Variants in FBXL14 observed in about 807,000 individuals in gnomAD.
The protein encoded by FBXL14 is F-box and leucine rich repeat protein 14.
In FBXL14, 11 loss-of-function variants were observed where a neutral mutation model predicts 24.5. That is an observed-to-expected ratio of 0.45 (90% CI 0.28 to 0.74). The LOEUF is 0.74. Ranked by LOEUF, FBXL14 falls within the 30% of genes least tolerant of loss-of-function variation. The pLI is 0.12. For synonymous variants in FBXL14, 294 were observed against 240.4 expected (o/e 1.22, Z -2.06); for missense variants, 384 against 545.6 (o/e 0.70, Z 2.95).
At chr12:1,572,724 G>A (rs1453889483) in intron 1 of FBXL14, among the ~76,000 whole-genome samples, 1 of 152,176 alleles carries the variant, frequency 6.6e-6, no homozygotes, top group East Asian at 1.9e-4. Context: ...GCAAGAAGGA[G>A]CCCACTGGAG....
intron 1 of FBXL14, among the ~76,000 whole-genome samples, chr12:1,584,420 C>A (rs1014099867): frequency 6.6e-6 from 1 of 152,204 alleles, no homozygotes; most frequent in African/African-American, 2.4e-5. Flanking sequence ...TGAGTTTCTG[C>A]AGTTCCCCTT....
rs557166107 is a variant in FBXL14, at chr12:1,574,664, C to G, written c.1195-7854G>C. ...TCTGAAGTTCAAGTTCTCAAATGCT[C>G]CAGATCCTCAGTGTTCAAGAACCTC... On this transcript the variant is annotated intron_variant, in intron 1 of 1. Coordinates refer to ENST00000339235, the MANE Select transcript of FBXL14 (RefSeq NM_152441.3). The G allele has an allele frequency of 1.6e-5, 3 of 184,930 alleles. No homozygotes were observed. The Admixed American group carries it at 1.7e-4, about 10-fold the overall frequency. The allele number at this position is 184,930 out of a possible 1,614,324, so 11.5% of individuals were successfully genotyped here.
chr12:1,575,936 C>T (rs564695551), intron 1 of FBXL14, among the ~76,000 whole-genome samples: 2 of 152,324 alleles, frequency 1.3e-5, no homozygotes, highest in Admixed American at 1.3e-4. Context: ...CTCAGAGGCA[C>T]TTCTCTTGCT....
At position 1,570,097 on chromosome 12, in the gene FBXL14, C is replaced by T. The variant is rs137991097; in HGVS notation, c.1195-3287G>A. 2.7e-4 allele frequency among the ~76,000 whole-genome samples: 41 copies of T among 152,316 alleles called. 1 individual carries two copies. The East Asian group carries it at 6.7e-3, about 25-fold the overall frequency. On this transcript the variant is annotated intron_variant, in intron 1 of 1. Transcript: ENST00000339235. Reference sequence around the variant, plus strand: ...AAACTCCGCCCAGCTTTGTCTAGTGCGGTGTCCTGTCCACACTAGACCTGT... The same window carrying T: ...AAACTCCGCCCAGCTTTGTCTAGTGTGGTGTCCTGTCCACACTAGACCTGT...
intron 1 of FBXL14, among the ~76,000 whole-genome samples, chr12:1,590,251 C>T (rs2094486509): frequency 6.6e-6 from 1 of 152,052 alleles, no homozygotes; most frequent in African/African-American, 2.4e-5. Context: ...CAATTAGACC[C>T]AATTGTGATG....
rs561252085 is a variant in FBXL14 at position 1,592,782 on chromosome 12, G to C, written c.1194+91C>G. The C allele has an allele frequency of 3.0e-4, 334 of 1,111,486 alleles. 4 individuals are homozygous for C. The South Asian group carries it at 3.9e-3, about 13-fold the overall frequency. The allele number at this position is 1,111,486 out of a possible 1,614,324, so 68.9% of individuals were successfully genotyped here. ...TCTCATCCGCTGCAATGATCTGTGC[G>C]TAAGTGTGCGTGTGAGTGTGTGGGG... On this transcript the variant is annotated intron_variant, in intron 1 of 1. Coordinates refer to ENST00000339235, the MANE Select transcript of FBXL14 (RefSeq NM_152441.3).
In FBXL14 at chr12:1,566,873, C is replaced by G; in HGVS notation, c.1195-63G>C. On this transcript the variant is annotated intron_variant, in intron 1 of 1. Transcript: ENST00000339235. ...GACTGCCGCACTCTGCTCTTCCTAACGAGGTCGCCTCCCCTAACCCCACCG... is the reference window on the plus strand; with the variant it reads ...GACTGCCGCACTCTGCTCTTCCTAAGGAGGTCGCCTCCCCTAACCCCACCG... 10 of 772,028 alleles carry G rather than the reference C, an allele frequency of 1.3e-5. No homozygotes were observed. The South Asian group carries it at 1.4e-4, about 11-fold the overall frequency. 47.8% of individuals were successfully genotyped at this position (772,028 alleles called of 1,614,324 possible). A position where few individuals can be genotyped will look rare whatever the true frequency, so the allele number is the denominator to read the frequency against.
intron 1 of FBXL14, among the ~76,000 whole-genome samples, chr12:1,583,350 A>C (rs2094470403): frequency 1.3e-5 from 2 of 151,982 alleles, no homozygotes; most frequent in African/African-American, 2.4e-5. Context: ...ATTTGTATGA[A>C]GTGCCCTTTA....
chr12:1,592,969 G>A lies in FBXL14; in HGVS notation c.1098C>T (p.Cys366=). Residue 366 remains cysteine, a synonymous_variant, in exon 1 of 2, where the codon TGC becomes TGT. Transcript: ENST00000339235. ...CCAGGCCGCGCTTGGTGATTCGGGT[G>A]CAGCCGTACAGGTCTATGCCGGTGA... The part of the protein sequence containing the change: ...SQLTGIDLYG[C]TRITKRGLER... The A allele has an allele frequency of 1.2e-6, 2 of 1,613,232 alleles. No individual in the cohort carries two copies. The highest frequency in any genetic ancestry group is 1.7e-6 in the Non-Finnish European group (2 of 1,179,826).
intron 1 of FBXL14, among the ~76,000 whole-genome samples, chr12:1,578,200 T>A (rs2094459562): frequency 6.6e-6 from 1 of 152,230 alleles, no homozygotes; most frequent in Non-Finnish European, 1.5e-5. Flanking sequence ...CTACCTCTAA[T>A]AGAGAGTCTG....
chr12:1,590,696 A>C (rs780771760), intron 1 of FBXL14, among the ~76,000 whole-genome samples: 1 of 152,224 alleles, frequency 6.6e-6, no homozygotes, highest in Non-Finnish European at 1.5e-5. Flanking sequence ...GCAAATGTGC[A>C]AAATCCTGGC....
chr12:1,581,184 C>G (rs1366670769), intron 1 of FBXL14, among the ~76,000 whole-genome samples: 2 of 151,308 alleles, frequency 1.3e-5, no homozygotes, highest in Non-Finnish European at 2.9e-5. Flanking sequence ...TGCTGGAGTC[C>G]TTTAATGGGC....
chr12:1,586,182 G>GTTTTTTTT (rs79133793), intron 1 of FBXL14, among the ~76,000 whole-genome samples: 57 of 137,788 alleles, frequency 4.1e-4, no homozygotes, highest in African/African-American at 1.5e-3. Flanking sequence ...AGCATTTGGG[G>GTTTTTTTT]TTTTTTTTTT....
At chr12:1,585,423 C>T (rs1410494901) in intron 1 of FBXL14, among the ~76,000 whole-genome samples, 2 of 151,436 alleles carry the variant, frequency 1.3e-5, no homozygotes, top group Non-Finnish European at 2.9e-5. Flanking sequence ...ATGTAGCAGA[C>T]GTGTATGTAA....
At chr12:1,577,061 G>A (rs183848030) in intron 1 of FBXL14, among the ~76,000 whole-genome samples, 4 of 152,308 alleles carry the variant, frequency 2.6e-5, no homozygotes, top group East Asian at 3.9e-4. Context: ...CAGTCCTGCC[G>A]TTGGCTGTCA....
At chr12:1,590,862 C>T (rs1466719176) in intron 1 of FBXL14, among the ~76,000 whole-genome samples, 1 of 152,150 alleles carries the variant, frequency 6.6e-6, no homozygotes, top group Non-Finnish European at 1.5e-5. Context: ...CACGCAAGGA[C>T]AGCGCTCTTT....
At chr12:1,575,126 AT>A (rs2094453369) in intron 1 of FBXL14, among the ~76,000 whole-genome samples, 1 of 152,086 alleles carries the variant, frequency 6.6e-6, no homozygotes, top group South Asian at 2.1e-4. Context: ...TAAGAATAAT[AT>A]TTTTCTATGG....
intron 1 of FBXL14, among the ~76,000 whole-genome samples, chr12:1,575,200 A>G (rs1486866414): frequency 1.3e-5 from 2 of 152,356 alleles, no homozygotes; most frequent in African/African-American, 4.8e-5. Context: ...ATAAAAATAA[A>G]GATCCCCTAC....
intron 1 of FBXL14, 85 bp from the exon 2 acceptor site, chr12:1,566,895 A>C (rs1592450139): frequency 1.4e-6 from 1 of 718,964 alleles, no homozygotes; most frequent in Non-Finnish European, 2.6e-6. Flanking sequence ...CCCTAACCCC[A>C]CCGCGGCTTT....
Sources: allele counts gnomAD v4.1 joint callset (sites outside exome capture counted in the v4.1 genomes callset), GRCh38; gene constraint gnomAD v4.1.1; transcripts MANE v1.5; gene names NCBI Gene and HGNC (gene_info 2026-07-23, HGNC 2026-07-21).